Variants in CYREN observed in about 807,000 individuals in gnomAD.
CYREN encodes cell cycle regulator of NHEJ.
CYREN carries 7 observed loss-of-function variants against 9.7 expected under a neutral mutation model. The observed-to-expected ratio is 0.72, with a 90% CI of 0.41 to 1.36. CYREN has a LOEUF of 1.36. Among genes scored for constraint, CYREN ranks in the 40% most tolerant of loss-of-function variants. The pLI is 0.01. For missense variants in CYREN, 215 were observed against 198.1 expected, an observed-to-expected ratio of 1.09 and a Z score of -0.51; for synonymous variants, 76 against 77.9, an observed-to-expected ratio of 0.98 and a Z score of 0.13.
intron 2 of CYREN, among the ~76,000 whole-genome samples, chr7:135,131,842 TG>T (rs1414864067): frequency 6.6e-6 from 1 of 151,990 alleles, no homozygotes; most frequent in Non-Finnish European, 1.5e-5. Flanking sequence ...ATTACTAACA[TG>T]AGGAATGAAA....
At chr7:135,161,738 C>A (rs111337252), downstream of CYREN, among the ~76,000 whole-genome samples, 313 of 152,320 alleles carry the variant, frequency 2.1e-3, no homozygotes, top group African/African-American at 7.1e-3. This position sits in a 1 kb window ranked among gnomAD's most constrained non-coding sequence, Gnocchi z 4.1. Context: ...TACATTCAAA[C>A]CCGAGTCTTC....
chr7:135,165,855 T>C lies in CYREN; in HGVS notation c.*756A>G, dbSNP rs558840066. The C allele has an allele frequency of 1.8e-5, 3 of 167,142 alleles. No homozygotes were observed. The highest frequency in any genetic ancestry group is 2.4e-5 in the African/African-American group (1 of 41,464). 10.4% of individuals were successfully genotyped at this position (167,142 alleles called of 1,614,324 possible). On this transcript the variant is annotated 3_prime_UTR_variant, in exon 4 of 4. Transcript: ENST00000393114. ...CCTGTATGGCAGTGATTTATTCATA[T>C]ATTCCTGTCCAAAGCCACACTGAAA...
At chr7:135,148,152 C>T (rs950392737) in intron 2 of CYREN, 11 of 448,368 alleles carry the variant, frequency 2.5e-5, no homozygotes, top group African/African-American at 2.0e-4. Context: ...TTCCCTTCCA[C>T]TCCTCCTTTC....
Position 135,095,806 on chromosome 7 carries a change from G to A in CYREN, n.357-1224C>T, listed in dbSNP as rs189661973. On this transcript the variant is annotated intron_variant and non_coding_transcript_variant, in intron 2 of 2. Coordinates refer to the CYREN transcript ENST00000459937. ...CATCCAGGGGAGCATCACTCTGAGTGGACGGGGGTACTGAAGTGCAACTTA... is the reference window on the plus strand; with the variant it reads ...CATCCAGGGGAGCATCACTCTGAGTAGACGGGGGTACTGAAGTGCAACTTA... Among the ~76,000 whole-genome samples the A allele has an allele frequency of 1.2e-4, 18 of 152,286 alleles. No homozygotes were observed. The South Asian group carries it at 1.5e-3, about 12-fold the overall frequency.
At chr7:135,157,423 G>A (rs1298788094) in intron 2 of CYREN, among the ~76,000 whole-genome samples, 1 of 152,246 alleles carries the variant, frequency 6.6e-6, no homozygotes, top group Non-Finnish European at 1.5e-5. Context: ...GGACTTGGAT[G>A]CCAACTGAGC....
At chr7:135,172,312 G>A (rs1289937469), upstream of CYREN, among the ~76,000 whole-genome samples, 2 of 152,110 alleles carry the variant, frequency 1.3e-5, no homozygotes, top group Non-Finnish European at 2.9e-5. Context: ...TTGAATTGCT[G>A]GATACTTTGG....
At chr7:135,152,581 G>A (rs931013449) in intron 2 of CYREN, among the ~76,000 whole-genome samples, 1 of 152,186 alleles carries the variant, frequency 6.6e-6, no homozygotes, top group Non-Finnish European at 1.5e-5. Flanking sequence ...CACAGGGCCT[G>A]GCATATAGTA....
chr7:135,100,205 A>C (rs1202668721), intron 2 of CYREN: 1 of 151,992 alleles, frequency 6.6e-6, no homozygotes, highest in Non-Finnish European at 1.5e-5. Flanking sequence ...AAAAAAAAAA[A>C]AACACTGGTG....
intron 2 of CYREN, among the ~76,000 whole-genome samples, chr7:135,121,634 TG>T (rs1827144459): frequency 6.6e-6 from 1 of 151,142 alleles, no homozygotes; most frequent in Admixed American, 6.6e-5. Context: ...TTCTCTGGGA[TG>T]GGGCCAAGAT....
chr7:135,145,148 A>G (rs1829523691), intron 2 of CYREN, among the ~76,000 whole-genome samples: 1 of 152,094 alleles, frequency 6.6e-6, no homozygotes, highest in African/African-American at 2.4e-5. Flanking sequence ...AAACTTCTCA[A>G]CAAAACAAGA....
At chr7:135,134,587 T>A (rs1273284591) in intron 2 of CYREN, among the ~76,000 whole-genome samples, 1 of 151,968 alleles carries the variant, frequency 6.6e-6, no homozygotes, top group Non-Finnish European at 1.5e-5. Flanking sequence ...GCTATTATAT[T>A]AGGAAGGCTG....
intron 2 of CYREN, among the ~76,000 whole-genome samples, chr7:135,145,559 T>C (rs1478034006): frequency 6.6e-6 from 1 of 152,176 alleles, no homozygotes; most frequent in East Asian, 1.9e-4. Context: ...ACTTGATGCA[T>C]AGAAATTTAT....
intron 2 of CYREN, among the ~76,000 whole-genome samples, chr7:135,140,078 GTTTT>G (rs36062417): frequency 6.6e-6 from 1 of 150,648 alleles, no homozygotes; most frequent in South Asian, 2.1e-4. Context: ...TTTTAGAATA[GTTTT>G]TTTTTTCTAA....
At chr7:135,135,030 C>G in intron 2 of CYREN, 1 of 1,551,158 alleles carries the variant, frequency 6.4e-7, no homozygotes, top group Non-Finnish European at 8.7e-7. Context: ...ATTCTCAAAT[C>G]TGGGCCATAA....
At chr7:135,094,967 T>TG (rs908213970) in intron 2 of CYREN, among the ~76,000 whole-genome samples, 17 of 152,322 alleles carry the variant, frequency 1.1e-4, no homozygotes, top group Middle Eastern at 3.4e-3. Flanking sequence ...CACAGATGTT[T>TG]GCAAAGGAAC....
chr7:135,135,652 C>T (rs550872768), intron 2 of CYREN: 302 of 156,300 alleles, frequency 1.9e-3, no homozygotes, highest in Middle Eastern at 9.8e-3. Context: ...ATCAATTAGT[C>T]AACAAACATC....
At chr7:135,167,857 T>A in intron 2 of CYREN, 50 bp from the exon 3 acceptor site, 5 of 1,612,960 alleles carry the variant, frequency 3.1e-6, no homozygotes, top group Non-Finnish European at 1.7e-6. Flanking sequence ...TCAAGTCTCA[T>A]AAGGGCAAAG....
chr7:135,133,314 T>C (rs1007299006), intron 2 of CYREN, among the ~76,000 whole-genome samples: 1 of 152,244 alleles, frequency 6.6e-6, no homozygotes, highest in African/African-American at 2.4e-5. Context: ...AGATGTAGCA[T>C]GTTCATAAAT....
downstream of CYREN, among the ~76,000 whole-genome samples, chr7:135,163,063 G>A (rs10224296): frequency 0.019 from 2,896 of 152,240 alleles, 103 homozygotes; most frequent in African/African-American, 0.065. Flanking sequence ...TTCCAAACAC[G>A]ATTCACACAG....
Sources: gnomAD v4.1 joint callset for allele counts (sites outside exome capture counted in the v4.1 genomes callset) on GRCh38, gnomAD v4.1.1 for gene constraint, Gnocchi (gnomAD v3.1) non-coding constraint, MANE v1.5 for transcripts, NCBI Gene and HGNC (gene_info 2026-07-23, HGNC 2026-07-21) for gene names.